The following DPYD variants were observed in gnomAD, a reference collection of about 807,000 sequenced individuals.
DPYD encodes dihydropyrimidine dehydrogenase, also known as dihydropyrimidine dehydrogenase [NADP(+)].
DPYD carries 109 observed loss-of-function variants against 116.2 expected under a neutral mutation model. That is an observed-to-expected ratio of 0.94 (90% CI 0.80 to 1.10). The LOEUF (loss-of-function observed/expected upper bound fraction) is 1.10, where lower values mean the gene tolerates loss of function less well. DPYD is among the 50% of genes least tolerant of loss of function. The pLI, the probability that DPYD is intolerant of heterozygous loss-of-function variation, is 0.00. For synonymous variants in DPYD, 440 were observed against 432.0 expected (o/e 1.02, Z -0.23); for missense variants, 1,302 against 1,254.5 (o/e 1.04, Z -0.57).
chr1:97,714,771 G>A (rs1662516140), intron 5 of DPYD, among the ~76,000 whole-genome samples: 1 of 151,916 alleles, frequency 6.6e-6, no homozygotes, highest in East Asian at 1.9e-4. Flanking sequence ...TGGTGACCAA[G>A]TATATTTGGC....
At position 97,778,091 on chromosome 1, in the gene DPYD, GAGATTGC is replaced by G. The variant is rs200654491; in HGVS notation, c.234-37619_234-37613del. On this transcript the variant is annotated intron_variant, in intron 3 of 22. Transcript: ENST00000370192. ...CAGGACAGCTTGAACCCATGAGACGGAGATTGCAGTGAGTCAAGGCTCCGCCACTGAA... is the reference window on the plus strand; with the variant it reads ...CAGGACAGCTTGAACCCATGAGACGGAGTGAGTCAAGGCTCCGCCACTGAA... 1.6e-3 allele frequency among the ~76,000 whole-genome samples: 235 copies of G among 143,618 alleles called. 3 individuals are homozygous for G. The East Asian group carries it at 0.039, about 24-fold the overall frequency. 94.2% of individuals were successfully genotyped at this position (143,618 alleles called of 152,430 possible).
chr1:97,861,047 A>G (rs560952963), intron 2 of DPYD, among the ~76,000 whole-genome samples: 3 of 152,166 alleles, frequency 2.0e-5, no homozygotes, highest in African/African-American at 7.2e-5. Flanking sequence ...TAAGCATTAG[A>G]AAATAGAACT....
Position 97,305,382 on chromosome 1 carries a change from T to C in DPYD, c.2180-4A>G. 2 of 1,612,206 alleles carry C rather than the reference T, an allele frequency of 1.2e-6. No homozygotes were observed. The highest frequency in any genetic ancestry group is 1.7e-6 in the Non-Finnish European group (2 of 1,178,736). Reference sequence around the variant, plus strand: ...GCTGTAACGCCATTGGCACCACCTATGCAAGACACATCAACATTTTCATGC... The same window carrying C: ...GCTGTAACGCCATTGGCACCACCTACGCAAGACACATCAACATTTTCATGC... On this transcript the variant is annotated splice_polypyrimidine_tract_variant and splice_region_variant and intron_variant, in intron 17 of 22. Coordinates refer to ENST00000370192, the MANE Select transcript of DPYD (RefSeq NM_000110.4).
At chr1:97,110,517 A>G (rs1651513947) in intron 20 of DPYD, among the ~76,000 whole-genome samples, 1 of 152,054 alleles carries the variant, frequency 6.6e-6, no homozygotes, top group Admixed American at 6.6e-5. Flanking sequence ...TTTTTACATT[A>G]TTTTCATTAG....
intron 13 of DPYD, among the ~76,000 whole-genome samples, chr1:97,480,589 AG>A (rs34132621): frequency 6.6e-6 from 1 of 152,244 alleles, no homozygotes. Flanking sequence ...AAGACGAGGC[AG>A]GGAATTGCTG....
At chr1:97,847,847 A>T (rs1251880909) in intron 2 of DPYD, among the ~76,000 whole-genome samples, 1 of 152,186 alleles carries the variant, frequency 6.6e-6, no homozygotes, top group African/African-American at 2.4e-5. Context: ...AAAGATTCTC[A>T]GAATCAAAAA....
At chr1:97,579,001 G>T (rs144906198) in intron 10 of DPYD, among the ~76,000 whole-genome samples, 1 of 152,120 alleles carries the variant, frequency 6.6e-6, no homozygotes, top group Admixed American at 6.6e-5. Context: ...AAGTTTGTTC[G>T]ATAGTAAACT....
intron 9 of DPYD, 99 bp from the exon 10 acceptor site, chr1:97,593,486 T>C: frequency 7.1e-7 from 1 of 1,406,198 alleles, no homozygotes; most frequent in Non-Finnish European, 9.9e-7. Context: ...AAATTGCATC[T>C]TGCAGTTTTC....
intron 5 of DPYD, among the ~76,000 whole-genome samples, chr1:97,713,398 A>G (rs1297217118): frequency 6.6e-6 from 1 of 152,124 alleles, no homozygotes; most frequent in Non-Finnish European, 1.5e-5. Context: ...CCCCCAAATC[A>G]CGGTAGCTTA....
At chr1:97,664,378 CAT>C (rs915963076) in intron 8 of DPYD, among the ~76,000 whole-genome samples, 3 of 151,494 alleles carry the variant, frequency 2.0e-5, no homozygotes, top group South Asian at 2.1e-4. Context: ...CTATTCAAAA[CAT>C]ATATATGTGT....
At chr1:97,814,056 C>T (rs1426035829) in intron 3 of DPYD, among the ~76,000 whole-genome samples, 4 of 151,988 alleles carry the variant, frequency 2.6e-5, no homozygotes, top group African/African-American at 9.7e-5. Context: ...AATTACTTTA[C>T]CTCTTTCATT....
chr1:97,388,875 G>A (rs143970559), intron 14 of DPYD, among the ~76,000 whole-genome samples: 73 of 152,088 alleles, frequency 4.8e-4, no homozygotes, highest in Non-Finnish European at 8.4e-4. Flanking sequence ...GAGAAGGGAA[G>A]AGGGGATGAT....
intron 13 of DPYD, among the ~76,000 whole-genome samples, chr1:97,503,364 A>C (rs1204774639): frequency 6.6e-6 from 1 of 151,928 alleles, no homozygotes. Context: ...CGTAACTCCA[A>C]CTATCAGGAG....
chr1:97,716,520 T>C (rs1270175397), intron 5 of DPYD, among the ~76,000 whole-genome samples: 3 of 152,090 alleles, frequency 2.0e-5, no homozygotes, highest in Non-Finnish European at 4.4e-5. Flanking sequence ...ATCAGAGTTA[T>C]TACAAATCAG....
chr1:97,247,862 C>T (rs1375706608), intron 18 of DPYD, among the ~76,000 whole-genome samples: 1 of 152,104 alleles, frequency 6.6e-6, no homozygotes, highest in Non-Finnish European at 1.5e-5. Context: ...AAGTTGAATT[C>T]ATAATAAAAA....
rs116801387 is a variant in DPYD at position 97,371,340 on chromosome 1, T to A, written c.2058+2221A>T. Among the ~76,000 whole-genome samples, 526 of 152,322 alleles carry A rather than the reference T, an allele frequency of 3.5e-3. 2 individuals carry two copies. Among genetic ancestry groups the A allele is most frequent in the African/African-American group, 0.012 (510 of 41,580 alleles). ...GGCTCTGACCATGCATGCAGCTCTG[T>A]GCTTAGCACATAGTAAGTTTTCAAC... On this transcript the variant is annotated intron_variant, in intron 16 of 22. Transcript: ENST00000370192.
chr1:97,524,002 T>C (rs1648874654), intron 12 of DPYD, among the ~76,000 whole-genome samples: 1 of 151,958 alleles, frequency 6.6e-6, no homozygotes, highest in Non-Finnish European at 1.5e-5. Context: ...AATTTAACCA[T>C]GAATAATTAT....
intron 16 of DPYD, among the ~76,000 whole-genome samples, chr1:97,346,850 T>C (rs1297091435): frequency 1.3e-5 from 2 of 151,930 alleles, no homozygotes; most frequent in Admixed American, 6.6e-5. Flanking sequence ...TATAGCTTTA[T>C]AAGAATTGTT....
At chr1:97,339,425 C>G (rs757202081) in intron 16 of DPYD, among the ~76,000 whole-genome samples, 2 of 151,998 alleles carry the variant, frequency 1.3e-5, no homozygotes, top group Non-Finnish European at 2.9e-5. Flanking sequence ...TTCTTCTACT[C>G]AGAACAAAAA....
Sources: allele counts gnomAD v4.1 joint callset (sites outside exome capture counted in the v4.1 genomes callset), GRCh38; gene constraint gnomAD v4.1.1; transcripts MANE v1.5; gene names NCBI Gene and HGNC (gene_info 2026-07-23, HGNC 2026-07-21).